The following ASB2 variants were observed in gnomAD, a reference collection of about 807,000 sequenced individuals.
The protein encoded by ASB2 is ankyrin repeat and SOCS box protein 2.
A neutral mutation model predicts 62.4 loss-of-function variants in ASB2; 58 were observed. The observed-to-expected ratio is 0.93, with a 90% confidence interval of 0.75 to 1.16. ASB2 has a LOEUF of 1.16. ASB2 is among the 50% of genes most tolerant of loss of function. The pLI is 0.00. For synonymous variants in ASB2, 386 were observed against 385.3 expected (o/e 1.00, Z -0.02); for missense variants, 928 against 887.9 (o/e 1.05, Z -0.57).
chr14:93,937,788 G>T lies in ASB2; in HGVS notation c.1681C>A (p.Leu561Met), dbSNP rs1305744402. ...AGCTGCACGTTGCCCACGTAGTCCA[G>T]GAGGACATCGATGATGGGCCCCGCC... is the stretch of plus-strand genomic sequence containing the variant. ...RWAGPIIDVL[L>M]DYVGNVQLCS... Residue 561 changes from leucine to methionine, a missense_variant, in exon 9 of 10, where the codon CTG becomes ATG. Physicochemically the swap from Leu to Met is conservative, Grantham distance 15 (BLOSUM62 2). Transcript: ENST00000555019. 5 of 1,612,222 alleles carry T rather than the reference G, an allele frequency of 3.1e-6. No homozygotes were observed. The highest frequency in any genetic ancestry group is 4.2e-6 in the Non-Finnish European group (5 of 1,178,544).
intron 1 of ASB2, among the ~76,000 whole-genome samples, chr14:93,972,021 A>G (rs140417958): frequency 2.7e-5 from 4 of 148,222 alleles, no homozygotes; most frequent in African/African-American, 9.8e-5. Flanking sequence ...ATAGGTAATT[A>G]TATATTTTTA....
chr14:93,936,397 C>A (rs144215470), intron 9 of ASB2, among the ~76,000 whole-genome samples: 1 of 152,330 alleles, frequency 6.6e-6, no homozygotes, highest in Non-Finnish European at 1.5e-5. Flanking sequence ...CTAAGGAAGG[C>A]AGGAGAAGGT....
chr14:93,947,285 A>G, intron 7 of ASB2, 64 bp downstream of exon 7: 1 of 1,578,018 alleles, frequency 6.3e-7, no homozygotes, highest in South Asian at 1.1e-5. Flanking sequence ...CCACCCCTCC[A>G]ATCCCCTACT....
rs192784708 is a variant in ASB2 at position 93,966,693 on chromosome 14, G to A, written c.-73-2081C>T. ...TTGTGGTTTAGCCAATGTTAGTTGG[G>A]TTTTCTCTTATAGGCAGTCAAATCA... is the stretch of plus-strand genomic sequence containing the variant. On this transcript the variant is annotated intron_variant, in intron 1 of 9. Transcript: ENST00000555019. Among the ~76,000 whole-genome samples the A allele has an allele frequency of 2.0e-3, 299 of 152,336 alleles. 1 individual carries two copies. The highest frequency in any genetic ancestry group is 3.7e-3 in the Admixed American group (56 of 15,308).
At chr14:93,949,055 G>A (rs377325645) in intron 6 of ASB2, among the ~76,000 whole-genome samples, 3 of 152,194 alleles carry the variant, frequency 2.0e-5, no homozygotes, top group South Asian at 2.1e-4. Context: ...TCATCTCCTC[G>A]GGCAGGGGGT....
Position 93,947,467 on chromosome 14 carries a change from A to G in ASB2, c.934T>C (p.Cys312Arg). 1 of 1,614,242 alleles carries G rather than the reference A, an allele frequency of 6.2e-7. No homozygotes were observed. The highest frequency in any genetic ancestry group is 8.5e-7 in the Non-Finnish European group (1 of 1,180,046). Reference protein sequence around the residue: ...SDNASALYEACKNEHEEVVEF... With the variant: ...SDNASALYEARKNEHEEVVEF... ...ACCACCTCCTCATGCTCATTCTTGCAGGCCTCGTAGAGGGCAGACGCGTTG... is the reference window on the plus strand; with the variant it reads ...ACCACCTCCTCATGCTCATTCTTGCGGGCCTCGTAGAGGGCAGACGCGTTG... The change falls in exon 7 of 10, where the codon TGC becomes CGC. Residue 312 changes from cysteine to arginine, a missense_variant. By Grantham distance (180) the Cys-to-Arg change is radical (BLOSUM62 -3). Coordinates refer to ENST00000555019, the MANE Select transcript of ASB2 (RefSeq NM_001202429.2).
At position 93,953,514 on chromosome 14, in the gene ASB2, A is replaced by T. The variant is rs199720108; in HGVS notation, c.479-7T>A. The T allele has an allele frequency of 2.6e-6, 4 of 1,566,130 alleles. No homozygotes were observed. In the Middle Eastern group the frequency reaches 6.1e-4, roughly 237 times the overall value. On this transcript the variant is annotated splice_region_variant and splice_polypyrimidine_tract_variant and intron_variant, in intron 4 of 9. Transcript: ENST00000555019. The stretch of plus-strand genomic sequence containing the variant: ...TCGATGGTCCCTGGGTACGCTAGGG[A>T]GGGCCCACCGGGAAATTCATGTAGG...
intron 7 of ASB2, chr14:93,941,324 GGGTGGGGC>G (rs926660885): frequency 5.5e-5 from 16 of 289,380 alleles, no homozygotes; most frequent in African/African-American, 3.4e-4. Flanking sequence ...CCATTACAGG[GGGTGGGGC>G]GGTGGGGGAA....
In ASB2 at chr14:93,964,333, C is replaced by T; in HGVS notation, c.206+1G>A. The T allele has an allele frequency of 6.5e-7, 1 of 1,536,176 alleles. No individual in the cohort carries two copies. On this transcript the variant is annotated splice_donor_variant, in intron 2 of 9. Coordinates refer to ENST00000555019, the MANE Select transcript of ASB2 (RefSeq NM_001202429.2). LOFTEE classifies it high-confidence loss of function. ...TCCCTCATCAGCCTCGCCTTGCTCA[C>T]CTGGTCCATGGGTAGAAATGGGCAG...
chr14:93,964,981 C>T (rs756421408), intron 1 of ASB2, among the ~76,000 whole-genome samples: 11 of 152,212 alleles, frequency 7.2e-5, no homozygotes, highest in Non-Finnish European at 1.5e-4. Context: ...GTCTACTCAT[C>T]TGACCATTTA....
Position 93,959,682 on chromosome 14 carries a change from G to A in ASB2, c.207-2812C>T, listed in dbSNP as rs942400138. On this transcript the variant is annotated intron_variant, in intron 2 of 9. Transcript: ENST00000555019. ...GTTCTGGGGTGGAGAATGTGTCACC[G>A]TCACCTGACCCTGGAGTCCAGCTTG... Among the ~76,000 whole-genome samples the A allele has an allele frequency of 7.9e-5, 12 of 152,112 alleles. 1 individual carries two copies. Among genetic ancestry groups the A allele is most frequent in the Admixed American group, 3.9e-4 (6 of 15,272 alleles).
chr14:93,959,109 T>C (rs2141305398), intron 2 of ASB2, among the ~76,000 whole-genome samples: 1 of 152,304 alleles, frequency 6.6e-6, no homozygotes, highest in Non-Finnish European at 1.5e-5. Flanking sequence ...GCAGCGGGTG[T>C]GCTGTTCCCA....
rs1274052274 is a variant in ASB2 at position 93,951,244 on chromosome 14, G to T, written c.635C>A (p.Ala212Asp). Residue 212 changes from alanine to aspartate, a missense_variant and splice_region_variant, in exon 6 of 10, where the codon GCC becomes GAC. Physicochemically the swap from Ala to Asp is moderately radical, Grantham distance 126 (BLOSUM62 -2). Coordinates refer to ENST00000555019, the MANE Select transcript of ASB2 (RefSeq NM_001202429.2). ...NKSRETPLYK[A>D]CERKNAEAVK... is the part of the protein sequence containing the mutation. ...GGCCTCCGCGTTCTTGCGCTCGCAG[G>T]CTGTGCTCAGGGGGAAGCAGGGATG... 6 of 1,592,498 alleles carry T rather than the reference G, an allele frequency of 3.8e-6. No homozygotes were observed. The highest frequency in any genetic ancestry group is 5.1e-6 in the Non-Finnish European group (6 of 1,171,164).
chr14:93,956,211 G>A (rs1017672461), intron 3 of ASB2, among the ~76,000 whole-genome samples: 2 of 152,200 alleles, frequency 1.3e-5, no homozygotes, highest in South Asian at 2.1e-4. Context: ...GCCCCCTGGT[G>A]CCAGGCAAAC....
chr14:93,942,621 C>G (rs374595029), intron 7 of ASB2, among the ~76,000 whole-genome samples: 1 of 152,224 alleles, frequency 6.6e-6, no homozygotes, highest in Non-Finnish European at 1.5e-5. Flanking sequence ...GATGTCCTTC[C>G]TGAATCTAGC....
At chr14:93,962,084 G>A (rs1016199342) in intron 2 of ASB2, among the ~76,000 whole-genome samples, 1 of 151,646 alleles carries the variant, frequency 6.6e-6, no homozygotes, top group Non-Finnish European at 1.5e-5. Context: ...GCATTTGGGG[G>A]GAGAAGAATT....
At chr14:93,961,649 C>T (rs1889410237) in intron 2 of ASB2, among the ~76,000 whole-genome samples, 1 of 152,180 alleles carries the variant, frequency 6.6e-6, no homozygotes, top group Non-Finnish European at 1.5e-5. Context: ...TGTGGATTGC[C>T]TGGGGACAAG....
intron 9 of ASB2, among the ~76,000 whole-genome samples, chr14:93,935,351 T>C (rs535722387): frequency 6.6e-6 from 1 of 151,488 alleles, no homozygotes; most frequent in African/African-American, 2.4e-5. Flanking sequence ...AGCTGGGGAG[T>C]GGGTAGAGGT....
chr14:93,937,255 C>T lies in ASB2; in HGVS notation c.1771+443G>A, dbSNP rs76956051. ...ACTCCCCGGCCCCGCCCCAGACCTG[C>T]GGAATCAGAAGCTGCATTTTTAACA... On this transcript the variant is annotated intron_variant, in intron 9 of 9. Coordinates refer to ENST00000555019, the MANE Select transcript of ASB2 (RefSeq NM_001202429.2). Among the ~76,000 whole-genome samples the T allele has an allele frequency of 3.0e-4, 46 of 152,248 alleles. No individual in the cohort carries two copies. The East Asian group carries it at 3.5e-3, about 12-fold the overall frequency.
Sources: allele counts gnomAD v4.1 joint callset (sites outside exome capture counted in the v4.1 genomes callset), GRCh38; gene constraint gnomAD v4.1.1; transcripts MANE v1.5; gene names NCBI Gene and HGNC (gene_info 2026-07-23, HGNC 2026-07-21).